Variants in CHD5 observed in about 807,000 individuals in gnomAD.
CHD5 encodes chromodomain helicase DNA binding protein 5.
CHD5 carries 69 observed loss-of-function variants against 230.3 expected under a neutral mutation model. That is an observed-to-expected ratio of 0.30 (90% CI 0.25 to 0.37). The LOEUF (loss-of-function observed/expected upper bound fraction) is 0.37, where lower values mean the gene tolerates loss of function less well. Ranked by LOEUF, CHD5 falls within the 10% of genes least tolerant of loss-of-function variation. The pLI, the probability that CHD5 is intolerant of heterozygous loss-of-function variation, is 1.00. For synonymous variants in CHD5, 1,064 were observed against 1,065.9 expected, an observed-to-expected ratio of 1.00 and a Z score of 0.03; for missense variants, 1,827 against 2,622.8, an observed-to-expected ratio of 0.70 and a Z score of 6.63.
In CHD5 at chr1:6,125,923, A is replaced by G. The variant is rs2100843488; in HGVS notation, c.4079-65T>C. ...CAAGCAAAGCCCACCCTCAAGTTCA[A>G]GCATGCCCAGGGCCACGCCGAGCCC... On this transcript the variant is annotated intron_variant, in intron 26 of 41. Coordinates refer to ENST00000262450, the MANE Select transcript of CHD5 (RefSeq NM_015557.3). This position sits in a 1 kb window ranked among gnomAD's most constrained non-coding sequence, Gnocchi z 6.7. 2 of 1,279,844 alleles carry G rather than the reference A, an allele frequency of 1.6e-6. No individual in the cohort carries two copies. The highest frequency in any genetic ancestry group is 2.3e-6 in the Non-Finnish European group (2 of 887,842). 79.3% of individuals were successfully genotyped at this position (1,279,844 alleles called of 1,614,324 possible). A position where few individuals can be genotyped will look rare whatever the true frequency, so the allele number is the denominator to read the frequency against.
chr1:6,149,513 A>G, intron 7 of CHD5, 101 bp from the exon 8 acceptor site: 1 of 1,200,128 alleles, frequency 8.3e-7, no homozygotes, highest in Non-Finnish European at 1.1e-6. Context: ...TAGATGTCTA[A>G]TAGAGGGTGG....
In CHD5 at chr1:6,154,962, C is replaced by A; in HGVS notation, c.507-64G>T. 4 of 1,406,938 alleles carry A rather than the reference C, an allele frequency of 2.8e-6. No individual in the cohort carries two copies. Among genetic ancestry groups the A allele is most frequent in the Non-Finnish European group, 4.0e-6 (4 of 1,012,314 alleles). 87.2% of individuals were successfully genotyped at this position (1,406,938 alleles called of 1,614,324 possible). ...GTGAGATGAGAGGCCCACCCGACCC[C>A]CGGCAGGGCCCACCCCTCTGCCACA... On this transcript the variant is annotated intron_variant, in intron 4 of 41. Coordinates refer to ENST00000262450, the MANE Select transcript of CHD5 (RefSeq NM_015557.3). This position sits in a 1 kb window ranked among gnomAD's most constrained non-coding sequence, Gnocchi z 7.0.
At chr1:6,152,344 T>A in intron 6 of CHD5, 68 bp downstream of exon 6, 1 of 1,551,180 alleles carries the variant, frequency 6.4e-7, no homozygotes, top group Non-Finnish European at 8.7e-7. Context: ...CGCCTGGCCC[T>A]TGCGTGCTCA....
In CHD5 at chr1:6,129,028, C is replaced by G. The variant is rs1349480588; in HGVS notation, c.3429G>C (p.Val1143=). The G allele has an allele frequency of 6.2e-7, 1 of 1,610,906 alleles. No homozygotes were observed. Among genetic ancestry groups the G allele is most frequent in the African/African-American group, 1.3e-5 (1 of 74,932 alleles). ...RAHRIGQNKK[V]MIYRFVTRAS... ...CCCGAGTCACGAAGCGGTAGATCAT[C>G]ACCTTCTTGTTCTGGCCGATGCGGT... The change falls in exon 23 of 42, where the codon GTG becomes GTC. Residue 1143 remains valine, a synonymous_variant. Coordinates refer to ENST00000262450, the MANE Select transcript of CHD5 (RefSeq NM_015557.3). The surrounding 1 kb of genome is among the most constrained non-coding windows in gnomAD (Gnocchi z 6.8).
At chr1:6,160,995 G>A (rs775427227) in intron 2 of CHD5, among the ~76,000 whole-genome samples, 14 of 152,256 alleles carry the variant, frequency 9.2e-5, no homozygotes, top group African/African-American at 1.9e-4. Flanking sequence ...CTTGCCATGC[G>A]CAGGACTGCT....
intron 11 of CHD5, among the ~76,000 whole-genome samples, chr1:6,145,674 T>C (rs1666897941): frequency 6.6e-6 from 1 of 152,138 alleles, no homozygotes; most frequent in African/African-American, 2.4e-5. Flanking sequence ...GGTGCAACAG[T>C]AGCTAAGAAA....
Position 6,121,079 on chromosome 1 carries a change from G to A in CHD5, c.4912+26C>T, listed in dbSNP as rs201564496. 19 of 1,567,336 alleles carry A rather than the reference G, an allele frequency of 1.2e-5. No individual in the cohort carries two copies. The East Asian group carries it at 4.0e-4, about 33-fold the overall frequency. ...TGCTGAGGCCAGACATGGCACTGGG[G>A]TGGGTGGCCTGCAAGAAGCCCCAAC... On this transcript the variant is annotated intron_variant, in intron 33 of 41. Transcript: ENST00000262450. The surrounding 1 kb of genome is among the most constrained non-coding windows in gnomAD (Gnocchi z 4.5).
At chr1:6,164,517 C>T (rs574718718) in intron 2 of CHD5, among the ~76,000 whole-genome samples, 40 of 152,296 alleles carry the variant, frequency 2.6e-4, no homozygotes, top group Admixed American at 1.4e-3. Context: ...GACTTGCTGC[C>T]GGCCTCCCCC....
rs192328060 is a variant in CHD5, at chr1:6,134,105, G to A, written c.3144+23C>T. ...TCTCTGTGGGGTGTGGAGCCGGGGC[G>A]GGGGTGGGCAGGGGCAGCGCACCTG... On this transcript the variant is annotated intron_variant, in intron 20 of 41. Transcript: ENST00000262450. This position sits in a 1 kb window ranked among gnomAD's most constrained non-coding sequence, Gnocchi z 6.3. 1.0e-3 allele frequency: 1,684 copies of A among 1,606,658 alleles called. 13 individuals are homozygous for A. The African/African-American group carries it at 0.019, about 18-fold the overall frequency.
intron 15 of CHD5, among the ~76,000 whole-genome samples, chr1:6,139,996 G>A (rs1666803033): frequency 6.6e-6 from 1 of 152,192 alleles, no homozygotes; most frequent in Non-Finnish European, 1.5e-5. Context: ...CCGACCTGAG[G>A]GACTCGGAGG....
At chr1:6,149,893 A>T (rs540485275) in intron 7 of CHD5, among the ~76,000 whole-genome samples, 91 of 150,734 alleles carry the variant, frequency 6.0e-4, no homozygotes, top group Middle Eastern at 3.5e-3. Flanking sequence ...GGATGGATAG[A>T]TGGATGTATA....
At chr1:6,122,184 C>T (rs1009535351) in intron 31 of CHD5, among the ~76,000 whole-genome samples, 1 of 152,200 alleles carries the variant, frequency 6.6e-6, no homozygotes, top group African/African-American at 2.4e-5. Context: ...AGGGCCTGGC[C>T]TCACCCATCA....
chr1:6,116,253 A>G (rs1666376709), intron 33 of CHD5, among the ~76,000 whole-genome samples: 1 of 152,192 alleles, frequency 6.6e-6, no homozygotes, highest in African/African-American at 2.4e-5. Flanking sequence ...ATATATATAT[A>G]TGCATGTGTG....
rs564152481 is a variant in CHD5, at chr1:6,104,453, C to T, written c.*1021G>A. The T allele has an allele frequency of 6.6e-5, 10 of 151,740 alleles. No individual in the cohort carries two copies. The highest frequency in any genetic ancestry group is 1.9e-4 in the African/African-American group (8 of 41,214). 9.4% of individuals were successfully genotyped at this position (151,740 alleles called of 1,614,324 possible). ...CCCAGGGGCAGCCCGGTTCCACCTC[C>T]GGAGGTGGGCAGGGTAGGCATCCCA... On this transcript the variant is annotated 3_prime_UTR_variant, in exon 42 of 42. Transcript: ENST00000262450.
intron 1 of CHD5, among the ~76,000 whole-genome samples, chr1:6,176,575 G>A (rs971633014): frequency 7.2e-5 from 11 of 152,198 alleles, no homozygotes; most frequent in African/African-American, 2.7e-4. Flanking sequence ...ACTGGCTAAG[G>A]ATGCAAGTAT....
chr1:6,127,138 G>C (rs1251248223), intron 25 of CHD5: 1 of 214,632 alleles, frequency 4.7e-6, no homozygotes, highest in African/African-American at 2.3e-5. Context: ...CTCCAGGAGA[G>C]ACCCACAAGG....
chr1:6,167,169 A>G lies in CHD5; in HGVS notation c.207+981T>C. 6.6e-6 allele frequency among the ~76,000 whole-genome samples: 1 copy of G among 152,180 alleles called. No individual in the cohort carries two copies. Among genetic ancestry groups the G allele is most frequent in the East Asian group, 1.9e-4 (1 of 5,184 alleles). ...AGTCCCCTCTAGGCGGGGGAAAGAA[A>G]GGTGGAGAGCTGGCCTCAGGTCCCC... On this transcript the variant is annotated intron_variant, in intron 2 of 41. Coordinates refer to ENST00000262450, the MANE Select transcript of CHD5 (RefSeq NM_015557.3). This position sits in a 1 kb window ranked among gnomAD's most constrained non-coding sequence, Gnocchi z 4.5.
chr1:6,113,095 A>T (rs1360964043), intron 33 of CHD5, 97 bp from the exon 34 acceptor site: 1 of 845,192 alleles, frequency 1.2e-6, no homozygotes, highest in Non-Finnish European at 2.0e-6. Flanking sequence ...CCTATCCATC[A>T]ATATGTTCCG....
At position 6,142,698 on chromosome 1, in the gene CHD5, G is replaced by C. The variant is rs147305320; in HGVS notation, c.2044-93C>G. 18 of 1,318,294 alleles carry C rather than the reference G, an allele frequency of 1.4e-5. No homozygotes were observed. The highest frequency in any genetic ancestry group is 1.9e-5 in the Non-Finnish European group (18 of 965,342). The allele number at this position is 1,318,294 out of a possible 1,614,324, so 81.7% of individuals were successfully genotyped here. On this transcript the variant is annotated intron_variant, in intron 13 of 41. Transcript: ENST00000262450. This position sits in a 1 kb window ranked among gnomAD's most constrained non-coding sequence, Gnocchi z 5.2. Reference sequence around the variant, plus strand: ...TTGCACATGCAATTCCTTCTGCCTGGAACACTCTTCCCACTCCTGTCTGTC... The same window carrying C: ...TTGCACATGCAATTCCTTCTGCCTGCAACACTCTTCCCACTCCTGTCTGTC...
Sources: gnomAD v4.1 joint callset for allele counts (sites outside exome capture counted in the v4.1 genomes callset) on GRCh38, gnomAD v4.1.1 for gene constraint, Gnocchi (gnomAD v3.1) non-coding constraint, MANE v1.5 for transcripts, NCBI Gene and HGNC (gene_info 2026-07-23, HGNC 2026-07-21) for gene names.